The following DMD variants were observed in gnomAD, a reference collection of about 807,000 sequenced individuals.
DMD encodes mutant dystrophin.
A neutral mutation model predicts 330.1 loss-of-function variants in DMD; 63 were observed. That is an observed-to-expected ratio of 0.19 (90% CI 0.16 to 0.24). DMD has a LOEUF of 0.24. DMD is among the 10% of genes least tolerant of loss of function. The pLI is 1.00. For missense variants in DMD, 3,344 were observed against 2,684.1 expected (o/e 1.25, Z -5.43); for synonymous variants, 1,223 against 959.8 (o/e 1.27, Z -5.07).
At chrX:31,258,783 T>G (rs765724956) in intron 63 of DMD, among the ~76,000 whole-genome samples, 11 of 112,122 alleles carry the variant, frequency 9.8e-5, no homozygotes, top group African/African-American at 3.2e-4. Flanking sequence ...TGATTAAATG[T>G]ATATTTAATT....
Position 31,119,632 on chromosome X carries a change from T to G in DMD, c.*2287A>C, listed in dbSNP as rs953269215. The G allele has an allele frequency of 8.9e-6, 1 of 112,476 alleles. No individual in the cohort carries two copies. Among genetic ancestry groups the G allele is most frequent in the East Asian group, 2.8e-4 (1 of 3,600 alleles). The allele number at this position is 112,476 out of a possible 1,213,427, so 9.3% of individuals were successfully genotyped here. ...TGTGTCTAAAAGAAAAACAAAAAGA[T>G]TAAAACAAAATTATTTATGCACTCT... On this transcript the variant is annotated 3_prime_UTR_variant, in exon 79 of 79. Transcript: ENST00000357033.
intron 52 of DMD, among the ~76,000 whole-genome samples, chrX:31,707,060 G>GT (rs58902155): frequency 0.2 from 22,134 of 108,269 alleles, 1,811 homozygotes; most frequent in East Asian, 0.4. Context: ...TAATCTCGTT[G>GT]TTTTTTTTTA....
intron 44 of DMD, among the ~76,000 whole-genome samples, chrX:31,992,589 T>C (rs774250775): frequency 7.2e-5 from 8 of 111,146 alleles, no homozygotes; most frequent in Non-Finnish European, 1.5e-4. Flanking sequence ...TGGTCCCTCG[T>C]TTTTCTTGGC....
intron 41 of DMD, among the ~76,000 whole-genome samples, chrX:32,325,545 C>T (rs1011582068): frequency 1.4e-4 from 16 of 111,831 alleles, no homozygotes; most frequent in Non-Finnish European, 2.6e-4. Flanking sequence ...AGACAAAATT[C>T]AGAAGGGAGA....
At chrX:32,356,756 A>G (rs779033306) in intron 37 of DMD, among the ~76,000 whole-genome samples, 71 of 112,182 alleles carry the variant, frequency 6.3e-4, no homozygotes, top group African/African-American at 2.3e-3. Flanking sequence ...GAAATTACAT[A>G]ATATTTTGTA....
chrX:32,466,235 G>T (rs1360626067), intron 23 of DMD, among the ~76,000 whole-genome samples: 1 of 110,069 alleles, frequency 9.1e-6, no homozygotes, highest in African/African-American at 3.3e-5. Flanking sequence ...ACCCAGTGTT[G>T]AACTTATATC....
At chrX:32,211,451 A>G (rs780751734) in intron 44 of DMD, among the ~76,000 whole-genome samples, 1 of 112,162 alleles carries the variant, frequency 8.9e-6, no homozygotes, top group African/African-American at 3.2e-5. Flanking sequence ...ATATATAAAT[A>G]TATTGCACAT....
At chrX:32,486,533 G>A (rs895881887) in intron 20 of DMD, among the ~76,000 whole-genome samples, 16 of 110,706 alleles carry the variant, frequency 1.4e-4, no homozygotes, top group East Asian at 1.4e-3. Context: ...AAAAGAGCCC[G>A]CATCGCCAAG....
intron 1 of DMD, among the ~76,000 whole-genome samples, chrX:33,034,774 G>C (rs918499529): frequency 7.2e-5 from 8 of 111,831 alleles, no homozygotes; most frequent in Admixed American, 3.8e-4. Flanking sequence ...CCGCTTACTG[G>C]CTGAGTTTTC....
chrX:31,289,290 C>CAAA (rs199636742), intron 62 of DMD, among the ~76,000 whole-genome samples: 2 of 75,954 alleles, frequency 2.6e-5, no homozygotes, highest in African/African-American at 5.7e-5. Context: ...AAATCCATCT[C>CAAA]AAAAAAAAAA....
intron 1 of DMD, among the ~76,000 whole-genome samples, chrX:33,287,813 A>G (rs1411360655): frequency 9.0e-6 from 1 of 111,458 alleles, no homozygotes; most frequent in Admixed American, 9.6e-5. Context: ...ATATTAGCTC[A>G]CTCACACCAC....
intron 41 of DMD, among the ~76,000 whole-genome samples, chrX:32,315,148 C>T (rs113145193): frequency 0.051 from 5,669 of 111,596 alleles, 355 homozygotes; most frequent in African/African-American, 0.17. Flanking sequence ...CAAATGCCCA[C>T]CAGTGATAGA....
At chrX:32,912,757 C>T (rs190009076) in intron 2 of DMD, among the ~76,000 whole-genome samples, 10 of 111,026 alleles carry the variant, frequency 9.0e-5, no homozygotes, top group Non-Finnish European at 1.9e-4. Context: ...GACTATAAAA[C>T]AAAGCAAATT....
chrX:31,820,768 C>G (rs895978893), intron 49 of DMD, among the ~76,000 whole-genome samples: 2 of 111,362 alleles, frequency 1.8e-5, no homozygotes, highest in East Asian at 5.7e-4. Context: ...CAGAGCTCCC[C>G]GTGGCATAAG....
intron 1 of DMD, among the ~76,000 whole-genome samples, chrX:33,268,191 C>T (rs1292800136): frequency 9.1e-6 from 1 of 110,184 alleles, no homozygotes. Flanking sequence ...GGTTTTGCCA[C>T]GTTGGTCAGG....
intron 52 of DMD, among the ~76,000 whole-genome samples, chrX:31,725,688 T>G: frequency 8.9e-6 from 1 of 111,946 alleles, no homozygotes; most frequent in Admixed American, 9.5e-5. Flanking sequence ...CTAGGCAGCC[T>G]GCCTTTTAAA....
At chrX:33,134,938 C>A (rs1007990029) in intron 1 of DMD, among the ~76,000 whole-genome samples, 12 of 111,382 alleles carry the variant, frequency 1.1e-4, no homozygotes, top group African/African-American at 3.9e-4. Flanking sequence ...TTTATTATCA[C>A]AAAATTTCTA....
chrX:33,009,048 A>G (rs1436335961), intron 2 of DMD, among the ~76,000 whole-genome samples: 1 of 96,422 alleles, frequency 1.0e-5, no homozygotes, highest in Non-Finnish European at 2.1e-5. Context: ...ATATATGTAT[A>G]TGTGTCTATA....
intron 60 of DMD, among the ~76,000 whole-genome samples, chrX:31,404,028 C>T (rs373872374): frequency 3.6e-5 from 4 of 110,129 alleles, no homozygotes; most frequent in Non-Finnish European, 7.6e-5. Context: ...CCCTTCCTAC[C>T]CCCAGCCTTC....
Sources: allele counts gnomAD v4.1 joint callset (sites outside exome capture counted in the v4.1 genomes callset), GRCh38; gene constraint gnomAD v4.1.1; transcripts MANE v1.5; gene names NCBI Gene and HGNC (gene_info 2026-07-23, HGNC 2026-07-21).